Variants in USP53 observed in about 807,000 individuals in gnomAD.
USP53 encodes ubiquitin carboxyl-terminal hydrolase 53.
Under a neutral mutation model 94.9 loss-of-function variants are expected in USP53, and 71 were observed. The observed-to-expected ratio is 0.75, with a 90% CI of 0.62 to 0.91. USP53 has a LOEUF of 0.91. USP53 is among the 40% of genes least tolerant of loss of function. USP53 has a pLI of 0.00. For missense variants in USP53, 1,173 were observed against 1,281.0 expected (o/e 0.92, Z 1.29); for synonymous variants, 375 against 422.7 (o/e 0.89, Z 1.39).
At chr4:119,238,402 A>G (rs1747074449) in intron 4 of USP53, among the ~76,000 whole-genome samples, 1 of 152,224 alleles carries the variant, frequency 6.6e-6, no homozygotes, top group Admixed American at 6.5e-5. Flanking sequence ...TGGAGCAGTC[A>G]GAATACACAC....
At position 119,248,838 on chromosome 4, in the gene USP53, C is replaced by G. The variant is rs1424474658; in HGVS notation, c.328C>G (p.Gln110Glu). The change falls in exon 7 of 19, where the codon CAG becomes GAG. Residue 110 changes from glutamine (Q) to glutamate (E), a missense_variant. By Grantham distance (29) the Gln-to-Glu change is conservative. Coordinates refer to ENST00000692078, the MANE Select transcript of USP53 (RefSeq NM_001371395.1). ...HALAESFKDE[Q>E]RFQLGLMDDA... The stretch of plus-strand genomic sequence containing the variant: ...TCTTGCAGAAAGTTTCAAAGATGAG[C>G]AGCGATTTCAACTTGGCCTTATGGA... 1 of 1,614,122 alleles carries G rather than the reference C, an allele frequency of 6.2e-7. No individual in the cohort carries two copies. Among genetic ancestry groups the G allele is most frequent in the Non-Finnish European group, 8.5e-7 (1 of 1,180,014 alleles).
Position 119,271,279 on chromosome 4 carries a change from T to C in USP53, c.1436-17T>C, listed in dbSNP as rs1021504576. 3 of 1,529,106 alleles carry C rather than the reference T, an allele frequency of 2.0e-6. No homozygotes were observed. The highest frequency in any genetic ancestry group is 1.4e-5 in the African/African-American group (1 of 71,808). 94.7% of individuals were successfully genotyped at this position (1,529,106 alleles called of 1,614,324 possible). ...CTGAGGAGTAATTCATGTGTATCTT[T>C]AATTTTTTTTTTTAAGATTTGGTTG... On this transcript the variant is annotated splice_polypyrimidine_tract_variant and intron_variant, in intron 15 of 18. Transcript: ENST00000692078.
chr4:119,217,765 C>T (rs1352011231), intron 3 of USP53, 92 bp downstream of exon 3: 2 of 151,806 alleles, frequency 1.3e-5, no homozygotes, highest in Non-Finnish European at 2.9e-5. Flanking sequence ...TTTGGCAAAG[C>T]AATTATGAAG....
Position 119,260,599 on chromosome 4 carries a change from T to C in USP53, c.768T>C (p.Ser256=), listed in dbSNP as rs896810921. The C allele has an allele frequency of 6.2e-7, 1 of 1,613,870 alleles. No individual in the cohort carries two copies. Among genetic ancestry groups the C allele is most frequent in the Admixed American group, 1.7e-5 (1 of 60,006 alleles). Residue 256 remains serine (S), a synonymous_variant, in exon 11 of 19, where the codon TCT becomes TCC. Coordinates refer to ENST00000692078, the MANE Select transcript of USP53 (RefSeq NM_001371395.1). ...TIGLVWDSEH[S]DLTEAVVRNL... ...GTTTAGTCTGGGACTCCGAGCATTCTGACTTGACCGAAGCTGTTGTTCGGA... is the reference window on the plus strand; with the variant it reads ...GTTTAGTCTGGGACTCCGAGCATTCCGACTTGACCGAAGCTGTTGTTCGGA...
chr4:119,242,326 T>C (rs866899000), intron 5 of USP53, among the ~76,000 whole-genome samples: 1 of 152,142 alleles, frequency 6.6e-6, no homozygotes, highest in African/African-American at 2.4e-5. Flanking sequence ...TGGAAGCAGT[T>C]TGATCATTTT....
At position 119,271,391 on chromosome 4, in the gene USP53, C is replaced by G. The variant is rs1304659993; in HGVS notation, c.1531C>G (p.Gln511Glu). The G allele has an allele frequency of 3.7e-6, 6 of 1,613,572 alleles. No homozygotes were observed. Among genetic ancestry groups the G allele is most frequent in the Middle Eastern group, 3.3e-4 (2 of 6,060 alleles). ...QHGNPHLYHS[Q>E]GKGSYKHDRV... is the part of the protein sequence containing the mutation. Reference sequence around the variant, plus strand: ...TGGGAATCCACATCTATATCATAGTCAAGGAAAAGGATCATATAAACATGA... The same window carrying G: ...TGGGAATCCACATCTATATCATAGTGAAGGAAAAGGATCATATAAACATGA... Residue 511 changes from glutamine (Q) to glutamate (E), a missense_variant, in exon 16 of 19, where the codon CAA (glutamine) becomes GAA (glutamate). Physicochemically the swap from Gln to Glu is conservative, Grantham distance 29. Coordinates refer to ENST00000692078, the MANE Select transcript of USP53 (RefSeq NM_001371395.1).
At chr4:119,283,263 A>G (rs1753712124) in intron 17 of USP53, among the ~76,000 whole-genome samples, 1 of 152,028 alleles carries the variant, frequency 6.6e-6, no homozygotes, top group Non-Finnish European at 1.5e-5. Context: ...TGTTTAAAAC[A>G]TTGTCAGGAG....
chr4:119,274,167 A>G (rs932849285), intron 17 of USP53, among the ~76,000 whole-genome samples: 3 of 151,456 alleles, frequency 2.0e-5, no homozygotes, highest in Admixed American at 6.6e-5. Flanking sequence ...TTACATATGT[A>G]TACATGTGCC....
chr4:119,275,894 CTG>C (rs1363607504), intron 17 of USP53, among the ~76,000 whole-genome samples: 1 of 151,204 alleles, frequency 6.6e-6, no homozygotes, highest in African/African-American at 2.4e-5. Context: ...ATTTGGCTCT[CTG>C]TTTGTCTGTT....
rs187762949 is a variant in USP53 at position 119,268,125 on chromosome 4, C to T, written c.1136-143C>T. ...GAGCTTGCAGTGAGCCGAGATTGCGCCACTGCAGTCCGCAGTCCGGCCTGG... is the reference window on the plus strand; with the variant it reads ...GAGCTTGCAGTGAGCCGAGATTGCGTCACTGCAGTCCGCAGTCCGGCCTGG... On this transcript the variant is annotated intron_variant, in intron 13 of 18. Transcript: ENST00000692078. 2.4e-3 allele frequency: 1,678 copies of T among 713,760 alleles called. 21 individuals are homozygous for T. The African/African-American group carries it at 0.028, about 12-fold the overall frequency. The allele number at this position is 713,760 out of a possible 1,614,324, so 44.2% of individuals were successfully genotyped here. A position where few individuals can be genotyped will look rare whatever the true frequency, so the allele number is the denominator to read the frequency against.
intron 15 of USP53, among the ~76,000 whole-genome samples, chr4:119,270,142 T>C (rs977592098): frequency 6.6e-6 from 1 of 151,308 alleles, no homozygotes; most frequent in African/African-American, 2.4e-5. Context: ...TTGTCCAGCC[T>C]AGAGTGCAGT....
intron 17 of USP53, among the ~76,000 whole-genome samples, chr4:119,281,653 CT>C (rs980922941): frequency 6.6e-6 from 1 of 152,076 alleles, no homozygotes; most frequent in African/African-American, 2.4e-5. Context: ...AAGTTCAGTA[CT>C]TGTTACAAAA....
chr4:119,275,889 GCTCT>G, intron 17 of USP53, among the ~76,000 whole-genome samples: 2 of 151,142 alleles, frequency 1.3e-5, no homozygotes, highest in East Asian at 3.9e-4. Context: ...TCACGATTTG[GCTCT>G]CTGTTTGTCT....
At chr4:119,213,645 T>TATATATAG (rs1553962000) in intron 1 of USP53, among the ~76,000 whole-genome samples, 1 of 136,986 alleles carries the variant, frequency 7.3e-6, no homozygotes, top group East Asian at 2.0e-4. Flanking sequence ...GAAATAGATA[T>TATATATAG]ATATATATAT....
chr4:119,269,019 T>C (rs2149410914), intron 14 of USP53, among the ~76,000 whole-genome samples: 1 of 152,334 alleles, frequency 6.6e-6, no homozygotes, highest in South Asian at 2.1e-4. Flanking sequence ...AATGAAATAA[T>C]GTGTAATCAT....
intron 17 of USP53, among the ~76,000 whole-genome samples, chr4:119,283,330 A>G (rs2149464258): frequency 6.6e-6 from 1 of 152,156 alleles, no homozygotes; most frequent in Middle Eastern, 3.4e-3. Context: ...GCAGAAGTGC[A>G]TGCATGGAAT....
chr4:119,250,906 A>T (rs1381036439), intron 7 of USP53, among the ~76,000 whole-genome samples: 1 of 149,546 alleles, frequency 6.7e-6, no homozygotes, highest in African/African-American at 2.4e-5. Flanking sequence ...TTCAAGTAGG[A>T]TTTTTTTTTT....
intron 17 of USP53, among the ~76,000 whole-genome samples, chr4:119,288,133 T>C (rs546150412): frequency 6.6e-6 from 1 of 152,340 alleles, no homozygotes; most frequent in Non-Finnish European, 1.5e-5. Context: ...TTATGTCTTA[T>C]ATAGGTTATG....
intron 9 of USP53, among the ~76,000 whole-genome samples, 185 bp from the exon 10 acceptor site, chr4:119,259,632 CATT>C (rs1377850341): frequency 6.6e-6 from 1 of 152,052 alleles, no homozygotes; most frequent in Non-Finnish European, 1.5e-5. Flanking sequence ...TAATTTTTTT[CATT>C]ATATACTTGC....
Sources: gnomAD v4.1 joint callset for allele counts (sites outside exome capture counted in the v4.1 genomes callset) on GRCh38, gnomAD v4.1.1 for gene constraint, MANE v1.5 for transcripts, NCBI Gene and HGNC (gene_info 2026-07-23, HGNC 2026-07-21) for gene names.